The following TANGO6 variants were observed in gnomAD, a reference collection of about 807,000 sequenced individuals.
TANGO6 encodes the protein transport and golgi organization 6 homolog.
In TANGO6, 90 loss-of-function variants were observed where a neutral mutation model predicts 114.2. That is an observed-to-expected ratio of 0.79 (90% confidence interval 0.66 to 0.94). The LOEUF (loss-of-function observed/expected upper bound fraction) is 0.94, where lower values mean the gene tolerates loss of function less well. TANGO6 is among the 40% of genes least tolerant of loss of function. The pLI is 0.00. For missense variants in TANGO6, 1,274 were observed against 1,315.3 expected, an observed-to-expected ratio of 0.97 and a Z score of 0.49; for synonymous variants, 477 against 509.8, an observed-to-expected ratio of 0.94 and a Z score of 0.87.
intron 4 of TANGO6, among the ~76,000 whole-genome samples, chr16:68,869,705 A>G (rs2152163659): frequency 6.6e-6 from 1 of 152,262 alleles, no homozygotes; most frequent in South Asian, 2.1e-4. Context: ...TTGTTACTGC[A>G]ACAACTTACC....
At chr16:68,998,428 T>C (rs1453069819) in intron 15 of TANGO6, among the ~76,000 whole-genome samples, 1 of 152,208 alleles carries the variant, frequency 6.6e-6, no homozygotes, top group Non-Finnish European at 1.5e-5. Context: ...AGACAAATCA[T>C]GGTAGAACCA....
intron 15 of TANGO6, among the ~76,000 whole-genome samples, chr16:68,984,555 C>T (rs1049465493): frequency 6.6e-6 from 1 of 151,704 alleles, no homozygotes; most frequent in Admixed American, 6.6e-5. Context: ...GGATCTTGCT[C>T]TGTTGCCCAG....
At chr16:68,853,929 T>A (rs943947902) in intron 1 of TANGO6, among the ~76,000 whole-genome samples, 1 of 152,220 alleles carries the variant, frequency 6.6e-6, no homozygotes, top group African/African-American at 2.4e-5. Context: ...AATAACTTCT[T>A]TTTTGAAGTA....
At chr16:68,975,113 A>G (rs370349840) in intron 15 of TANGO6, among the ~76,000 whole-genome samples, 1 of 152,132 alleles carries the variant, frequency 6.6e-6, no homozygotes, top group African/African-American at 2.4e-5. Flanking sequence ...CTGAATGTCT[A>G]CTGCATGCCA....
chr16:68,928,192 C>G, intron 13 of TANGO6, 109 bp downstream of exon 13: 1 of 1,330,524 alleles, frequency 7.5e-7, no homozygotes, highest in Non-Finnish European at 9.9e-7. Context: ...GGACCACCCT[C>G]CAGAAATTTG....
chr16:68,935,949 G>A (rs983712393), intron 14 of TANGO6, among the ~76,000 whole-genome samples: 5 of 152,204 alleles, frequency 3.3e-5, no homozygotes. Context: ...GGGAGGCTGA[G>A]GTGGGAGGAT....
chr16:68,983,283 T>C (rs1414001526), intron 15 of TANGO6, among the ~76,000 whole-genome samples: 1 of 152,242 alleles, frequency 6.6e-6, no homozygotes, highest in East Asian at 1.9e-4. Flanking sequence ...TAATTTAGTT[T>C]CCTGTTTTTG....
chr16:68,865,275 C>CAA (rs60365346), intron 3 of TANGO6, among the ~76,000 whole-genome samples: 32 of 70,228 alleles, frequency 4.6e-4, no homozygotes, highest in African/African-American at 7.8e-4. Flanking sequence ...GACTCCGTCT[C>CAA]AAAAAAAAAA....
intron 15 of TANGO6, among the ~76,000 whole-genome samples, chr16:68,988,296 C>A (rs1218555628): frequency 6.6e-6 from 1 of 152,150 alleles, no homozygotes; most frequent in East Asian, 1.9e-4. Context: ...GTTTGACCAC[C>A]CCTGCTTTTT....
intron 14 of TANGO6, among the ~76,000 whole-genome samples, chr16:68,964,607 C>A (rs1455510515): frequency 6.8e-6 from 1 of 147,762 alleles, no homozygotes; most frequent in East Asian, 2.0e-4. Context: ...CGCTCTGTCG[C>A]CTAGGCTGGA....
At chr16:68,995,134 A>G (rs984051520) in intron 15 of TANGO6, among the ~76,000 whole-genome samples, 4 of 152,060 alleles carry the variant, frequency 2.6e-5, no homozygotes, top group Admixed American at 6.6e-5. Context: ...GTCAAAGTCT[A>G]TTTACTTATA....
At chr16:69,066,461 G>GT (rs1960214947) in intron 17 of TANGO6, among the ~76,000 whole-genome samples, 1 of 151,744 alleles carries the variant, frequency 6.6e-6, no homozygotes, top group Non-Finnish European at 1.5e-5. Flanking sequence ...TGCCCGGCTA[G>GT]TTTTTTTGTA....
intron 14 of TANGO6, among the ~76,000 whole-genome samples, chr16:68,960,463 TG>T (rs1294113833): frequency 2.6e-5 from 4 of 151,798 alleles, no homozygotes; most frequent in South Asian, 2.1e-4. Context: ...TTTCCAGTGC[TG>T]TTTTTTAAAT....
intron 15 of TANGO6, among the ~76,000 whole-genome samples, chr16:68,999,208 T>C (rs1411036994): frequency 6.6e-6 from 1 of 152,118 alleles, no homozygotes; most frequent in Admixed American, 6.6e-5. Flanking sequence ...AAGCCTTGAG[T>C]CCAGCCATGA....
chr16:69,026,636 G>T, intron 16 of TANGO6: 1 of 153,758 alleles, frequency 6.5e-6, no homozygotes, highest in East Asian at 1.9e-4. Context: ...TGCTAGCTGG[G>T]GGAAATGGCA....
chr16:68,950,731 C>A (rs1019201503), intron 14 of TANGO6, among the ~76,000 whole-genome samples: 2 of 125,326 alleles, frequency 1.6e-5, no homozygotes, highest in Non-Finnish European at 3.4e-5. Flanking sequence ...TGGTGGCGGG[C>A]ACCTGTGATC....
At chr16:69,027,603 CTATT>C (rs969030853) in intron 16 of TANGO6, among the ~76,000 whole-genome samples, 1 of 151,926 alleles carries the variant, frequency 6.6e-6, no homozygotes, top group Non-Finnish European at 1.5e-5. Context: ...TTTTATGGGT[CTATT>C]TGGTTATATT....
chr16:68,893,848 G>A (rs1370140599), intron 7 of TANGO6, among the ~76,000 whole-genome samples: 1 of 149,080 alleles, frequency 6.7e-6, no homozygotes, highest in East Asian at 1.9e-4. Context: ...TTGCCTCCAC[G>A]TGATCAGGGA....
At chr16:68,883,030 T>A (rs937124778) in intron 7 of TANGO6, among the ~76,000 whole-genome samples, 4 of 151,406 alleles carry the variant, frequency 2.6e-5, no homozygotes, top group African/African-American at 7.3e-5. Flanking sequence ...AATAAATAAA[T>A]AAATAAAAAT....
Sources: gnomAD v4.1 joint callset for allele counts (sites outside exome capture counted in the v4.1 genomes callset) on GRCh38, gnomAD v4.1.1 for gene constraint, MANE v1.5 for transcripts, NCBI Gene and HGNC (gene_info 2026-07-23, HGNC 2026-07-21) for gene names.